The following CDC42EP3 variants were observed in gnomAD, a reference collection of about 807,000 sequenced individuals.
CDC42EP3 encodes CDC42 effector protein (Rho GTPase binding) 3.
CDC42EP3 carries 4 observed loss-of-function variants against 15.5 expected under a neutral mutation model. The ratio of observed to expected loss-of-function variants is 0.26; its 90% CI spans 0.13 to 0.59. The LOEUF (loss-of-function observed/expected upper bound fraction) is 0.59, where lower values mean the gene tolerates loss of function less well. Ranked by LOEUF, CDC42EP3 falls within the 20% of genes least tolerant of loss-of-function variation. The pLI is 0.89. For synonymous variants in CDC42EP3, 145 were observed against 130.3 expected, an observed-to-expected ratio of 1.11 and a Z score of -0.77; for missense variants, 309 against 311.2, an observed-to-expected ratio of 0.99 and a Z score of 0.05.
intron 1 of CDC42EP3, among the ~76,000 whole-genome samples, chr2:37,647,811 G>T (rs1166884489): frequency 6.6e-6 from 1 of 152,224 alleles, no homozygotes; most frequent in Non-Finnish European, 1.5e-5. Context: ...TTTGCTGGCT[G>T]TGGAGAGGTG....
chr2:37,650,895 C>G (rs1247813505), intron 1 of CDC42EP3, among the ~76,000 whole-genome samples: 1 of 152,080 alleles, frequency 6.6e-6, no homozygotes, highest in Non-Finnish European at 1.5e-5. Context: ...AATCATATGC[C>G]CTCTGACCTC....
chr2:37,667,833 G>T (rs1245275604), intron 1 of CDC42EP3, among the ~76,000 whole-genome samples: 1 of 152,158 alleles, frequency 6.6e-6, no homozygotes, highest in Admixed American at 6.5e-5. Context: ...TTTAGTATAA[G>T]GTCAAAAAGA....
intron 1 of CDC42EP3, among the ~76,000 whole-genome samples, chr2:37,656,634 CCAGT>C (rs1170684491): frequency 6.6e-6 from 1 of 152,218 alleles, no homozygotes; most frequent in Non-Finnish European, 1.5e-5. Context: ...GCCTGTGTCT[CCAGT>C]CAATCACCCA....
At chr2:37,668,816 T>C (rs1459929737) in intron 1 of CDC42EP3, among the ~76,000 whole-genome samples, 1 of 152,160 alleles carries the variant, frequency 6.6e-6, no homozygotes, top group African/African-American at 2.4e-5. Context: ...GCTTGACACA[T>C]AGGACGGGCT....
chr2:37,665,965 G>A (rs909733874), intron 1 of CDC42EP3, among the ~76,000 whole-genome samples: 1 of 152,186 alleles, frequency 6.6e-6, no homozygotes, highest in East Asian at 1.9e-4. Flanking sequence ...TACAATTTGG[G>A]TCAGAGCTAA....
chr2:37,646,487 G>C lies in CDC42EP3; in HGVS notation c.101C>G (p.Pro34Arg). ...GATGGTGTGGCGAAAGTCTCCAAGCGGGGGACTGATCATATCAGGAGACAG... is the reference window on the plus strand; with the variant it reads ...GATGGTGTGGCGAAAGTCTCCAAGCCGGGGACTGATCATATCAGGAGACAG... ...DILSPDMISP[P>R]LGDFRHTIHI... The change falls in exon 2 of 2, where the codon CCG (proline) becomes CGG (arginine). Residue 34 changes from proline to arginine, a missense_variant. Physicochemically the swap from Pro to Arg is moderately radical, Grantham distance 103. Coordinates refer to ENST00000295324, the MANE Select transcript of CDC42EP3 (RefSeq NM_006449.5). 1 of 1,613,774 alleles carries C rather than the reference G, an allele frequency of 6.2e-7. No homozygotes were observed. The highest frequency in any genetic ancestry group is 8.5e-7 in the Non-Finnish European group (1 of 1,179,866).
chr2:37,654,877 T>C (rs1665799320), intron 1 of CDC42EP3, among the ~76,000 whole-genome samples: 1 of 152,192 alleles, frequency 6.6e-6, no homozygotes, highest in South Asian at 2.1e-4. Flanking sequence ...CAAACCTCTG[T>C]AGGAGTGCTT....
intron 1 of CDC42EP3, among the ~76,000 whole-genome samples, chr2:37,663,605 C>T (rs1666150700): frequency 6.6e-6 from 1 of 152,208 alleles, no homozygotes; most frequent in Non-Finnish European, 1.5e-5. Context: ...ATCTCTATCA[C>T]CACAACCAAA....
intron 1 of CDC42EP3, among the ~76,000 whole-genome samples, chr2:37,664,227 T>C (rs960186587): frequency 6.6e-6 from 1 of 152,196 alleles, no homozygotes; most frequent in Non-Finnish European, 1.5e-5. Flanking sequence ...GACTAGACTT[T>C]CTGAGTCTTC....
At chr2:37,650,167 CT>C (rs1400479632) in intron 1 of CDC42EP3, among the ~76,000 whole-genome samples, 3 of 152,214 alleles carry the variant, frequency 2.0e-5, no homozygotes, top group Admixed American at 2.0e-4. Flanking sequence ...TGTTCTCTTC[CT>C]CCCCAGCTCA....
chr2:37,656,620 T>C (rs1324323895), intron 1 of CDC42EP3, among the ~76,000 whole-genome samples: 1 of 152,196 alleles, frequency 6.6e-6, no homozygotes, highest in Non-Finnish European at 1.5e-5. Context: ...CAGTCTTAGA[T>C]GAAGCCTGTG....
intron 1 of CDC42EP3, among the ~76,000 whole-genome samples, chr2:37,657,992 CTG>C (rs961121850): frequency 2.0e-5 from 3 of 152,206 alleles, no homozygotes; most frequent in African/African-American, 4.8e-5. Context: ...GTGACAGAGA[CTG>C]TATGTTGCTC....
At chr2:37,654,831 A>G (rs1053751730) in intron 1 of CDC42EP3, among the ~76,000 whole-genome samples, 2 of 152,210 alleles carry the variant, frequency 1.3e-5, no homozygotes, top group Non-Finnish European at 2.9e-5. Context: ...ACACTAAAAT[A>G]TTACTACAAT....
intron 1 of CDC42EP3, among the ~76,000 whole-genome samples, chr2:37,648,940 C>T (rs200709123): frequency 2.0e-5 from 3 of 152,066 alleles, no homozygotes; most frequent in South Asian, 2.1e-4. Context: ...TCAGCACACA[C>T]GGCCAGGAAG....
At chr2:37,659,771 A>T (rs1665997833) in intron 1 of CDC42EP3, among the ~76,000 whole-genome samples, 2 of 152,238 alleles carry the variant, frequency 1.3e-5, no homozygotes, top group African/African-American at 4.8e-5. Context: ...TCAAGAAACT[A>T]CAATGGACAG....
At chr2:37,661,110 AGTGTGT>A (rs34074254) in intron 1 of CDC42EP3, among the ~76,000 whole-genome samples, 24 of 141,468 alleles carry the variant, frequency 1.7e-4, no homozygotes, top group Admixed American at 8.3e-4. Flanking sequence ...GTGTGTGTAC[AGTGTGT>A]GTGTGTGTGT....
Position 37,644,797 on chromosome 2 carries a change from T to C in CDC42EP3, c.*1026A>G, listed in dbSNP as rs1351911262. On this transcript the variant is annotated 3_prime_UTR_variant, in exon 2 of 2. Coordinates refer to ENST00000295324, the MANE Select transcript of CDC42EP3 (RefSeq NM_006449.5). ...GAAGCAATTTCTCTAGCTATACTTA[T>C]TCTCTTATGGTCTTGTTTATTACTA... 3 of 152,194 alleles carry C rather than the reference T, an allele frequency of 2.0e-5. No homozygotes were observed. Among genetic ancestry groups the C allele is most frequent in the Non-Finnish European group, 4.4e-5 (3 of 68,028 alleles). 9.4% of individuals were successfully genotyped at this position (152,194 alleles called of 1,614,324 possible). A position where few individuals can be genotyped will look rare whatever the true frequency, so the allele number is the denominator to read the frequency against.
chr2:37,649,792 G>A (rs1665607989), intron 1 of CDC42EP3, among the ~76,000 whole-genome samples: 1 of 152,114 alleles, frequency 6.6e-6, no homozygotes, highest in Non-Finnish European at 1.5e-5. Context: ...TCATGTCGGT[G>A]GCATGGAGGC....
chr2:37,668,075 T>C (rs1004716784), intron 1 of CDC42EP3, among the ~76,000 whole-genome samples: 2 of 152,246 alleles, frequency 1.3e-5, no homozygotes, highest in African/African-American at 2.4e-5. Flanking sequence ...GTTTAATTTG[T>C]AAAGTAGGCA....
Sources: gnomAD v4.1 joint callset for allele counts (sites outside exome capture counted in the v4.1 genomes callset) on GRCh38, gnomAD v4.1.1 for gene constraint, MANE v1.5 for transcripts, NCBI Gene and HGNC (gene_info 2026-07-23, HGNC 2026-07-21) for gene names.